ESR1: variants seen among roughly 807,000 people sequenced by gnomAD.
ESR1 encodes estrogen receptor.
In ESR1, 12 loss-of-function variants were observed where a neutral mutation model predicts 52.7. The observed-to-expected ratio is 0.23, with a 90% CI of 0.15 to 0.37. The LOEUF is 0.37. Among genes scored for constraint, ESR1 ranks in the 10% least tolerant of loss-of-function variants. ESR1 has a pLI of 1.00. For synonymous variants in ESR1, 305 were observed against 316.8 expected, an observed-to-expected ratio of 0.96 and a Z score of 0.39; for missense variants, 584 against 779.7, an observed-to-expected ratio of 0.75 and a Z score of 2.99.
At chr6:151,990,041 A>G (rs2040863948) in intron 4 of ESR1, among the ~76,000 whole-genome samples, 1 of 152,158 alleles carries the variant, frequency 6.6e-6, no homozygotes, top group East Asian at 1.9e-4. Context: ...AGTCCTCAGT[A>G]GAGTGTTAGA....
intron 5 of ESR1, among the ~76,000 whole-genome samples, chr6:152,020,680 G>A (rs9340987): frequency 0.014 from 2,152 of 152,124 alleles, 31 homozygotes; most frequent in African/African-American, 0.048. Context: ...GGAACTCCTG[G>A]CCTCAAGTGA....
chr6:151,742,117 G>A (rs75573426), intron 2 of ESR1, among the ~76,000 whole-genome samples: 5,681 of 152,164 alleles, frequency 0.037, 306 homozygotes, highest in African/African-American at 0.12. Context: ...GATCTCATTC[G>A]TTTTTAAGGC....
chr6:151,667,773 CA>C (rs1000562607), intron 1 of ESR1, among the ~76,000 whole-genome samples: 2 of 152,146 alleles, frequency 1.3e-5, no homozygotes, highest in African/African-American at 4.8e-5. Context: ...CTATGGACAT[CA>C]AAATATGCTG....
At chr6:151,944,986 T>C (rs984001879) in intron 4 of ESR1, among the ~76,000 whole-genome samples, 2 of 151,984 alleles carry the variant, frequency 1.3e-5, no homozygotes, top group African/African-American at 4.8e-5. Context: ...GGGGCTGAGG[T>C]GGGAGGATTG....
chr6:151,899,644 G>T (rs1461159359), intron 3 of ESR1, among the ~76,000 whole-genome samples: 7 of 151,658 alleles, frequency 4.6e-5, no homozygotes, highest in Non-Finnish European at 7.4e-5. Context: ...CCCAGACGGG[G>T]TGGCTGCCGG....
chr6:151,810,642 A>G (rs1327762223), intron 1 of ESR1, among the ~76,000 whole-genome samples: 3 of 152,234 alleles, frequency 2.0e-5, no homozygotes, highest in Non-Finnish European at 4.4e-5. Context: ...TGAGTCTAGA[A>G]TATTTTTTAA....
chr6:151,869,416 T>C (rs1790551872), intron 2 of ESR1, among the ~76,000 whole-genome samples: 1 of 152,226 alleles, frequency 6.6e-6, no homozygotes, highest in Non-Finnish European at 1.5e-5. Context: ...TTCTGGACTG[T>C]AGAATAGCAC....
At chr6:152,114,511 CAA>C (rs2051183548) in intron 6 of ESR1, among the ~76,000 whole-genome samples, 1 of 152,142 alleles carries the variant, frequency 6.6e-6, no homozygotes. Context: ...AAACCTAGAG[CAA>C]AGTCATCCAT....
At position 152,094,161 on chromosome 6, in the gene ESR1, C is replaced by T. The variant is rs959648289; in HGVS notation, c.1370-224C>T. ...AACAGCCCCTTTCTGGGTCATGGCT[C>T]ATACAAAGGAGCCCTCCTTGGTTTG... On this transcript the variant is annotated intron_variant, in intron 6 of 7. Coordinates refer to ENST00000206249, the MANE Select transcript of ESR1 (RefSeq NM_000125.4). The surrounding 1 kb of genome is among the most constrained non-coding windows in gnomAD (Gnocchi z 4.6). Among the ~76,000 whole-genome samples, 4 of 152,188 alleles carry T rather than the reference C, an allele frequency of 2.6e-5. No individual in the cohort carries two copies. The highest frequency in any genetic ancestry group is 7.2e-5 in the African/African-American group (3 of 41,448).
intron 5 of ESR1, among the ~76,000 whole-genome samples, chr6:152,050,201 G>A (rs907037712): frequency 6.6e-6 from 1 of 152,168 alleles, no homozygotes; most frequent in Non-Finnish European, 1.5e-5. Context: ...AGCAAGATCT[G>A]CTTGGCTGGG....
chr6:152,008,728 C>G (rs2042530537), intron 4 of ESR1, among the ~76,000 whole-genome samples: 1 of 151,390 alleles, frequency 6.6e-6, no homozygotes, highest in African/African-American at 2.4e-5. Flanking sequence ...AGGTAGGTTT[C>G]ATCATGGGTG....
intron 5 of ESR1, among the ~76,000 whole-genome samples, chr6:152,043,678 C>T (rs1047981053): frequency 2.6e-5 from 4 of 152,172 alleles, no homozygotes; most frequent in Non-Finnish European, 5.9e-5. Context: ...CTGATGGCAG[C>T]GCAGGTGGAG....
At chr6:152,067,893 C>G (rs1257317105) in intron 6 of ESR1, among the ~76,000 whole-genome samples, 1 of 152,186 alleles carries the variant, frequency 6.6e-6, no homozygotes, top group Non-Finnish European at 1.5e-5. Flanking sequence ...TTAAAATGTT[C>G]TTAGTATGCC....
At chr6:151,939,352 A>C (rs1300937422) in intron 3 of ESR1, among the ~76,000 whole-genome samples, 2 of 152,316 alleles carry the variant, frequency 1.3e-5, no homozygotes, top group African/African-American at 4.8e-5. Context: ...GGTGAACTTA[A>C]GTAAAATCCA....
At chr6:151,930,702 A>G (rs540756431) in intron 3 of ESR1, among the ~76,000 whole-genome samples, 6 of 152,048 alleles carry the variant, frequency 3.9e-5, no homozygotes, top group South Asian at 2.1e-4. Context: ...ATCTTTTAAC[A>G]TATTCTGCAG....
Position 151,807,786 on chromosome 6 carries a change from G to C in ESR1, c.-127G>C. ...GGGCAGGGCCGGGGCCAGAGCTCGCGTGTCGGCGGGACATGCGCTGCGTCG... is the reference window on the plus strand; with the variant it reads ...GGGCAGGGCCGGGGCCAGAGCTCGCCTGTCGGCGGGACATGCGCTGCGTCG... On this transcript the variant is annotated 5_prime_UTR_variant, in exon 1 of 8. Transcript: ENST00000206249. The C allele has an allele frequency of 1.1e-6, 1 of 918,140 alleles. No individual in the cohort carries two copies. The highest frequency in any genetic ancestry group is 1.7e-6 in the Non-Finnish European group (1 of 583,768). 56.9% of individuals were successfully genotyped at this position (918,140 alleles called of 1,614,324 possible).
rs1438731383 is a variant in ESR1, at chr6:151,728,665, GC to G, written c.-71+26666del. Among the ~76,000 whole-genome samples, 6 of 152,016 alleles carry G rather than the reference GC, an allele frequency of 3.9e-5. No individual in the cohort carries two copies. The South Asian group carries it at 1.2e-3, about 32-fold the overall frequency. On this transcript the variant is annotated intron_variant, in intron 2 of 2. Coordinates refer to the ESR1 transcript ENST00000404742. ...CCACAATAACATAAGGAACATACCT[GC>G]CCCCCATCCACACATTTGATGCGCC...
intron 6 of ESR1, among the ~76,000 whole-genome samples, chr6:152,080,258 C>T (rs1388643651): frequency 6.6e-6 from 1 of 151,956 alleles, no homozygotes; most frequent in Non-Finnish European, 1.5e-5. Context: ...GTCGGGTTAC[C>T]CACAAAGGGA....
chr6:151,985,199 C>T (rs74501504), intron 4 of ESR1, among the ~76,000 whole-genome samples: 2,578 of 152,026 alleles, frequency 0.017, 55 homozygotes, highest in Non-Finnish European at 0.028. Flanking sequence ...CATGGGACAC[C>T]AATCTTTGAA....
Sources: gnomAD v4.1 joint callset for allele counts (sites outside exome capture counted in the v4.1 genomes callset) on GRCh38, gnomAD v4.1.1 for gene constraint, Gnocchi (gnomAD v3.1) non-coding constraint, MANE v1.5 for transcripts, NCBI Gene and HGNC (gene_info 2026-07-23, HGNC 2026-07-21) for gene names.